Variants in GPC3 observed in about 807,000 individuals in gnomAD.
GPC3 encodes the protein glypican 3.
In GPC3, 3 loss-of-function variants were observed where a neutral mutation model predicts 34.4. The ratio of observed to expected loss-of-function variants is 0.09; its 90% confidence interval spans 0.04 to 0.23. The LOEUF (loss-of-function observed/expected upper bound fraction) is 0.23, where lower values mean the gene tolerates loss of function less well. Among genes scored for constraint, GPC3 ranks in the 10% least tolerant of loss-of-function variants. The probability of loss-of-function intolerance (pLI) is 1.00; values close to 1 mark genes in which losing one functional copy is unlikely to be tolerated. For missense variants in GPC3, 351 were observed against 445.6 expected (o/e 0.79, Z 1.91); for synonymous variants, 177 against 174.0 (o/e 1.02, Z -0.13).
At chrX:133,892,183 T>G in intron 2 of GPC3, among the ~76,000 whole-genome samples, 1 of 111,776 alleles carries the variant, frequency 8.9e-6, no homozygotes, top group Non-Finnish European at 1.9e-5. Flanking sequence ...ACATGTTACA[T>G]TTTTTTCCAA....
chrX:133,841,369 T>C, intron 2 of GPC3, among the ~76,000 whole-genome samples: 1 of 106,821 alleles, frequency 9.4e-6, no homozygotes, highest in Admixed American at 1.0e-4. Flanking sequence ...CCTAAAGTTG[T>C]CTAATAATTT....
At chrX:133,826,901 T>C (rs1439427577) in intron 2 of GPC3, among the ~76,000 whole-genome samples, 1 of 112,018 alleles carries the variant, frequency 8.9e-6, no homozygotes, top group Admixed American at 9.5e-5. Context: ...TTCAAATTGC[T>C]GAGAATACCT....
intron 2 of GPC3, among the ~76,000 whole-genome samples, chrX:133,936,169 C>T (rs1046276901): frequency 9.4e-6 from 1 of 106,350 alleles, no homozygotes; most frequent in Admixed American, 1.0e-4. Context: ...AAGCAATCCA[C>T]CTACCTCAGC....
intron 6 of GPC3, among the ~76,000 whole-genome samples, chrX:133,612,083 A>G (rs2070119135): frequency 8.9e-6 from 1 of 112,118 alleles, no homozygotes; most frequent in Admixed American, 9.4e-5. Context: ...AACAAGTAAT[A>G]TAAAACATGG....
At chrX:133,978,768 A>G (rs1412589785) in intron 1 of GPC3, among the ~76,000 whole-genome samples, 1 of 112,333 alleles carries the variant, frequency 8.9e-6, no homozygotes, top group Non-Finnish European at 1.9e-5. Context: ...TGTACCCTGT[A>G]CTGTGCTAGA....
rs893970724 is a variant in GPC3, at chrX:133,661,838, C to T, written c.1305G>A (p.Lys435=). 1 of 1,200,644 alleles carries T rather than the reference C, an allele frequency of 8.3e-7. No homozygotes were observed. The highest frequency in any genetic ancestry group is 1.8e-5 in the African/African-American group (1 of 56,887). Reference sequence around the variant, plus strand: ...GGTTTTTCATTCCATTCCTTGCTGCCTTTTGGCTGTATCTGTAAAGGTGAA... The same window carrying T: ...GGTTTTTCATTCCATTCCTTGCTGCTTTTTGGCTGTATCTGTAAAGGTGAA... The part of the protein sequence containing the change: ...GQELVERYSQ[K]AARNGMKNQF... The change falls in exon 6 of 8, where the codon AAG becomes AAA. Residue 435 remains lysine (K), a synonymous_variant. Coordinates refer to ENST00000370818, the MANE Select transcript of GPC3 (RefSeq NM_004484.4).
At chrX:133,858,716 T>C (rs1443336708) in intron 2 of GPC3, among the ~76,000 whole-genome samples, 2 of 111,187 alleles carry the variant, frequency 1.8e-5, no homozygotes, top group Non-Finnish European at 3.8e-5. Context: ...TTGGTTTGGG[T>C]TGGGGGGTGG....
At position 133,593,430 on chromosome X, in the gene GPC3, C is replaced by A. The variant is rs997180285; in HGVS notation, c.1573+3010G>T. Among the ~76,000 whole-genome samples the A allele has an allele frequency of 6.8e-5, 7 of 103,078 alleles. No homozygotes were observed. In the South Asian group the frequency reaches 2.4e-3, roughly 36 times the overall value. 89.5% of individuals were successfully genotyped at this position (103,078 alleles called of 115,157 possible). On this transcript the variant is annotated intron_variant, in intron 7 of 7. Transcript: ENST00000370818. ...ACAAGAACAGTATGTTTATGGGGTT[C>A]ATGGAGCATGAATATGGCTGTTCTC... is the stretch of plus-strand genomic sequence containing the variant.
intron 1 of GPC3, among the ~76,000 whole-genome samples, chrX:133,958,551 A>C (rs2076427036): frequency 9.3e-6 from 1 of 107,070 alleles, no homozygotes; most frequent in Non-Finnish European, 1.9e-5. Context: ...TCTCAAAAAA[A>C]AAAAAAAAAG....
At chrX:133,624,894 A>T in intron 6 of GPC3, among the ~76,000 whole-genome samples, 1 of 111,787 alleles carries the variant, frequency 8.9e-6, no homozygotes, top group South Asian at 3.8e-4. Flanking sequence ...ATCCCTGATG[A>T]ACATTGATGC....
At position 133,718,674 on chromosome X, in the gene GPC3, C is replaced by A. The variant is rs747976271; in HGVS notation, c.1033-18646G>T. Reference sequence around the variant, plus strand: ...CAGGGATGGGCAAAATAGATTTAAACCAACATGATGCAAGTCTATGCTGTC... The same window carrying A: ...CAGGGATGGGCAAAATAGATTTAAAACAACATGATGCAAGTCTATGCTGTC... On this transcript the variant is annotated intron_variant, in intron 3 of 7. Coordinates refer to ENST00000370818, the MANE Select transcript of GPC3 (RefSeq NM_004484.4). Among the ~76,000 whole-genome samples the A allele has an allele frequency of 1.6e-4, 18 of 111,016 alleles. No individual in the cohort carries two copies. The South Asian group carries it at 1.9e-3, about 12-fold the overall frequency.
chrX:133,536,181 C>G lies in GPC3; in HGVS notation c.1686G>C (p.Leu562=), dbSNP rs1556111740. ...AGATGGCCATGCTGGTGAGAAGCTT[C>G]AGCGGGGAATGAACGTTCCCGAGGT... ...FHNLGNVHSP[L]KLLTSMAISV... The change falls in exon 8 of 8, where the codon CTG becomes CTC. Residue 562 remains leucine (L), a synonymous_variant. Coordinates refer to ENST00000370818, the MANE Select transcript of GPC3 (RefSeq NM_004484.4). The G allele has an allele frequency of 7.5e-6, 9 of 1,204,252 alleles. No individual in the cohort carries two copies. Among genetic ancestry groups the G allele is most frequent in the Non-Finnish European group, 9.0e-6 (8 of 891,555 alleles).
At chrX:133,927,479 C>CT (rs1242401529) in intron 2 of GPC3, among the ~76,000 whole-genome samples, 26 of 103,985 alleles carry the variant, frequency 2.5e-4, no homozygotes, top group South Asian at 1.3e-3. Context: ...GGGACTTTCA[C>CT]TTTTTTTTTT....
In GPC3 at chrX:133,655,475, C is replaced by CA. The variant is rs1491098632; in HGVS notation, c.1413+6254_1413+6255insT. Among the ~76,000 whole-genome samples, 140 of 102,162 alleles carry CA rather than the reference C, an allele frequency of 1.4e-3. 1 individual carries two copies. Among genetic ancestry groups the CA allele is most frequent in the African/African-American group, 5.7e-3 (137 of 24,124 alleles). 88.7% of individuals were successfully genotyped at this position (102,162 alleles called of 115,157 possible). A position where few individuals can be genotyped will look rare whatever the true frequency, so the allele number is the denominator to read the frequency against. On this transcript the variant is annotated intron_variant, in intron 6 of 7. Transcript: ENST00000370818. ...TTGTAGGTACTCTGTCCTTCACACA[C>CA]CCACACACACACACACACACACACA...
chrX:133,865,889 G>A (rs1433949847), intron 2 of GPC3, among the ~76,000 whole-genome samples: 3 of 112,208 alleles, frequency 2.7e-5, no homozygotes, highest in Non-Finnish European at 3.8e-5. Flanking sequence ...GCGATGTCTG[G>A]AGGCATTTTC....
intron 5 of GPC3, among the ~76,000 whole-genome samples, chrX:133,681,186 C>T (rs1251237096): frequency 9.0e-6 from 1 of 111,596 alleles, no homozygotes; most frequent in African/African-American, 3.3e-5. Flanking sequence ...CTCTGCACTT[C>T]GCAATCTCCT....
At chrX:133,954,478 G>A (rs925085449) in intron 1 of GPC3, among the ~76,000 whole-genome samples, 2 of 110,845 alleles carry the variant, frequency 1.8e-5, no homozygotes, top group African/African-American at 3.3e-5. Flanking sequence ...GGGTTCAAGC[G>A]ATTCTCCCAG....
In GPC3 at chrX:133,985,521, A is replaced by G. The variant is rs756994425; in HGVS notation, c.-72T>C. The G allele has an allele frequency of 3.0e-6, 3 of 1,012,374 alleles. No homozygotes were observed. In the African/African-American group the frequency reaches 5.6e-5, roughly 19 times the overall value. 83.4% of individuals were successfully genotyped at this position (1,012,374 alleles called of 1,213,427 possible). On this transcript the variant is annotated 5_prime_UTR_variant, in exon 1 of 8. Transcript: ENST00000370818. The stretch of plus-strand genomic sequence containing the variant: ...GCGAGAGCAGTCCCAGGACTCGGCA[A>G]GCCTGGCAGTGGCCCTGAGGAGCAA...
At chrX:133,790,429 C>T (rs2072147881) in intron 2 of GPC3, among the ~76,000 whole-genome samples, 1 of 110,129 alleles carries the variant, frequency 9.1e-6, no homozygotes, top group Admixed American at 9.9e-5. Context: ...CATTTCATTT[C>T]AAACTCTCAT....
Sources: gnomAD v4.1 joint callset for allele counts (sites outside exome capture counted in the v4.1 genomes callset) on GRCh38, gnomAD v4.1.1 for gene constraint, MANE v1.5 for transcripts, NCBI Gene and HGNC (gene_info 2026-07-23, HGNC 2026-07-21) for gene names.